Variants in SLC1A7 observed in about 807,000 individuals in gnomAD.
SLC1A7 encodes the protein solute carrier family 1 member 7.
A neutral mutation model predicts 47.7 loss-of-function variants in SLC1A7; 40 were observed. The observed-to-expected ratio is 0.84, with a 90% CI of 0.65 to 1.09. The LOEUF is 1.09. Among genes scored for constraint, SLC1A7 ranks in the 50% least tolerant of loss-of-function variants. The pLI, the probability that SLC1A7 is intolerant of heterozygous loss-of-function variation, is 0.00. For missense variants in SLC1A7, 746 were observed against 769.5 expected (o/e 0.97, Z 0.36); for synonymous variants, 323 against 325.6 (o/e 0.99, Z 0.09).
intron 1 of SLC1A7, among the ~76,000 whole-genome samples, chr1:53,141,921 C>G (rs1419550916): frequency 6.6e-6 from 1 of 152,182 alleles, no homozygotes; most frequent in Non-Finnish European, 1.5e-5. Context: ...TCTGCTGTCA[C>G]CTCTGCCTAG....
intron 1 of SLC1A7, among the ~76,000 whole-genome samples, chr1:53,136,619 T>TAAACATATATAATATATAA (rs1304791244): frequency 2.8e-5 from 3 of 107,280 alleles, no homozygotes; most frequent in Non-Finnish European, 5.7e-5. Context: ...ATAATATATA[T>TAAACATATATAATATATAA]AAACATATAT....
intron 2 of SLC1A7, among the ~76,000 whole-genome samples, chr1:53,128,133 G>C (rs1379428550): frequency 1.3e-5 from 2 of 152,204 alleles, no homozygotes; most frequent in African/African-American, 4.8e-5. Context: ...GCTGATGAAG[G>C]CTGCTTGGTT....
At chr1:53,120,009 C>T (rs1266283517) in intron 2 of SLC1A7, among the ~76,000 whole-genome samples, 1 of 152,210 alleles carries the variant, frequency 6.6e-6, no homozygotes, top group African/African-American at 2.4e-5. Flanking sequence ...CTGGAACTCC[C>T]TCCTAAGCCA....
At chr1:53,115,374 C>T in intron 2 of SLC1A7, 1 of 220,022 alleles carries the variant, frequency 4.5e-6, no homozygotes, top group Admixed American at 5.2e-5. Flanking sequence ...CCCAGCCAGG[C>T]AGGACCAAGC....
chr1:53,116,651 C>T (rs1292850029), intron 2 of SLC1A7, among the ~76,000 whole-genome samples: 1 of 152,172 alleles, frequency 6.6e-6, no homozygotes, highest in Admixed American at 6.5e-5. Flanking sequence ...GCCGGTGCGT[C>T]AACCCAGGGC....
intron 4 of SLC1A7, 162 bp from the exon 5 acceptor site, chr1:53,103,730 A>G (rs942013095): frequency 1.9e-6 from 1 of 524,090 alleles, no homozygotes. Context: ...TGCTATCAAT[A>G]TTTTACCCAA....
chr1:53,099,213 C>T (rs544108629), intron 5 of SLC1A7, among the ~76,000 whole-genome samples: 231 of 129,750 alleles, frequency 1.8e-3, no homozygotes, highest in African/African-American at 5.8e-3. Context: ...CTCATACACA[C>T]CGCCTCAGTA....
chr1:53,107,312 C>T (rs1377616236), intron 3 of SLC1A7, among the ~76,000 whole-genome samples: 1 of 152,052 alleles, frequency 6.6e-6, no homozygotes, highest in Non-Finnish European at 1.5e-5. Flanking sequence ...AAAGAAATCC[C>T]TAAGCGCAAC....
rs148271236 is a variant in SLC1A7 at position 53,103,348 on chromosome 1, A to G, written c.695T>C (p.Met232Thr). 11 of 1,595,726 alleles carry G rather than the reference A, an allele frequency of 6.9e-6. No individual in the cohort carries two copies. The highest frequency in any genetic ancestry group is 1.9e-4 in the Middle Eastern group (1 of 5,196). Residue 232 changes from methionine to threonine, a missense_variant and splice_region_variant, in exon 5 of 11, where the codon ATG (methionine) becomes ACG (threonine). Transcript: ENST00000371494. ...CTGGGCAGGTGGGCAGCACATACCC[A>G]TGGTGGCAGAGAAGAAGACGATGCC... is the stretch of plus-strand genomic sequence containing the variant. ...VLGIVFFSAT[M>T]GIMLGRMGDS...
intron 7 of SLC1A7, among the ~76,000 whole-genome samples, 181 bp downstream of exon 7, chr1:53,092,373 A>G (rs1644431652): frequency 6.6e-6 from 1 of 152,226 alleles, no homozygotes; most frequent in South Asian, 2.1e-4. Context: ...AGAGGCCTCG[A>G]CAAAGGCCAA....
chr1:53,097,205 C>T (rs1644504885), intron 5 of SLC1A7, among the ~76,000 whole-genome samples: 1 of 150,572 alleles, frequency 6.6e-6, no homozygotes, highest in South Asian at 2.1e-4. Context: ...CATTCACACA[C>T]CCTGCCTCAG....
intron 1 of SLC1A7, 136 bp downstream of exon 1, chr1:53,142,178 AC>A: frequency 1.0e-6 from 1 of 987,532 alleles, no homozygotes; most frequent in Non-Finnish European, 1.4e-6. Context: ...AGATGAGAAA[AC>A]CAGGACCCAG....
chr1:53,127,038 G>GTTTTTTTTTTTTTTTTT (rs61456544), intron 2 of SLC1A7, among the ~76,000 whole-genome samples: 2 of 97,564 alleles, frequency 2.0e-5, no homozygotes, highest in Admixed American at 1.4e-4. Context: ...AATTTTAAAA[G>GTTTTTTTTTTTTTTTTT]TTTTTTTTTT....
chr1:53,128,670 G>A (rs1410760903), intron 2 of SLC1A7, among the ~76,000 whole-genome samples: 1 of 142,370 alleles, frequency 7.0e-6, no homozygotes, highest in African/African-American at 2.6e-5. Flanking sequence ...TGCATGGTCT[G>A]TACCAGTGTT....
chr1:53,129,633 C>T lies in SLC1A7; in HGVS notation c.215+4717G>A, dbSNP rs559997038. On this transcript the variant is annotated intron_variant, in intron 2 of 10. Transcript: ENST00000371494. ...GAGTGACTGAACTCAGCTCCAACCC[C>T]GCTGGCCCCACTGCCCTCCCACTGG... 5.0e-5 allele frequency among the ~76,000 whole-genome samples: 7 copies of T among 141,172 alleles called. 1 individual carries two copies. The highest frequency in any genetic ancestry group is 9.4e-5 in the Non-Finnish European group (6 of 63,928). 92.6% of individuals were successfully genotyped at this position (141,172 alleles called of 152,430 possible).
chr1:53,100,854 C>T (rs1644567832), intron 5 of SLC1A7, among the ~76,000 whole-genome samples: 1 of 151,208 alleles, frequency 6.6e-6, no homozygotes, highest in African/African-American at 2.4e-5. Flanking sequence ...CATACCCCGC[C>T]TCAGTACACT....
intron 3 of SLC1A7, chr1:53,108,029 G>A (rs1419351015): frequency 6.5e-6 from 1 of 153,038 alleles, no homozygotes; most frequent in African/African-American, 2.4e-5. Context: ...TGGGAGGTTT[G>A]GTGAGATGGG....
chr1:53,124,570 T>A (rs1644860923), intron 2 of SLC1A7, among the ~76,000 whole-genome samples: 7 of 151,830 alleles, frequency 4.6e-5, no homozygotes, highest in Admixed American at 6.6e-5. Flanking sequence ...AAAACAAGGC[T>A]CAGTTGACCT....
chr1:53,090,492 G>C (rs1644407818), intron 8 of SLC1A7, 120 bp downstream of exon 8: 1 of 1,410,910 alleles, frequency 7.1e-7, no homozygotes, highest in Non-Finnish European at 9.3e-7. Context: ...CTGGCCCTCT[G>C]CCTGCTGTGC....
Sources: gnomAD v4.1 joint callset for allele counts (sites outside exome capture counted in the v4.1 genomes callset) on GRCh38, gnomAD v4.1.1 for gene constraint, MANE v1.5 for transcripts, NCBI Gene and HGNC (gene_info 2026-07-23, HGNC 2026-07-21) for gene names.